RORA: variants seen among roughly 807,000 people sequenced by gnomAD.
RORA encodes nuclear receptor ROR-alpha.
In RORA, 7 loss-of-function variants were observed where a neutral mutation model predicts 69.5. That is an observed-to-expected ratio of 0.10 (90% CI 0.06 to 0.19). The LOEUF is 0.19. Among genes scored for constraint, RORA ranks in the 10% least tolerant of loss-of-function variants. RORA has a pLI of 1.00. For synonymous variants in RORA, 261 were observed against 240.8 expected, an observed-to-expected ratio of 1.08 and a Z score of -0.78; for missense variants, 457 against 663.0, an observed-to-expected ratio of 0.69 and a Z score of 3.41.
chr15:61,192,053 T>C (rs1458738631), intron 1 of RORA, among the ~76,000 whole-genome samples: 1 of 152,184 alleles, frequency 6.6e-6, no homozygotes, highest in African/African-American at 2.4e-5. Context: ...TAGCTCTCCA[T>C]AGAGCATGTT....
At chr15:60,758,468 T>C (rs915453501) in intron 1 of RORA, among the ~76,000 whole-genome samples, 1 of 152,152 alleles carries the variant, frequency 6.6e-6, no homozygotes, top group Non-Finnish European at 1.5e-5. Flanking sequence ...CGGTGATTTA[T>C]TTACACCTAG....
intron 1 of RORA, among the ~76,000 whole-genome samples, chr15:60,822,604 A>C (rs2072907047): frequency 6.6e-6 from 1 of 152,240 alleles, no homozygotes; most frequent in South Asian, 2.1e-4. Context: ...CCCCACAACG[A>C]GGCTGACTGT....
intron 1 of RORA, among the ~76,000 whole-genome samples, chr15:60,721,409 T>C (rs1306827630): frequency 5.9e-5 from 9 of 152,210 alleles, no homozygotes; most frequent in Non-Finnish European, 1.2e-4. Context: ...GCCAAGCACC[T>C]CCCTGAGGAG....
At chr15:60,911,467 T>C (rs946218317) in intron 1 of RORA, among the ~76,000 whole-genome samples, 1 of 152,168 alleles carries the variant, frequency 6.6e-6, no homozygotes, top group African/African-American at 2.4e-5. Flanking sequence ...CCTGTTGTGA[T>C]TTCTAGGATC....
chr15:61,185,856 C>T (rs1461317263), intron 1 of RORA, among the ~76,000 whole-genome samples: 1 of 152,184 alleles, frequency 6.6e-6, no homozygotes, highest in East Asian at 1.9e-4. Context: ...TCTTATCACA[C>T]AGGCACCATG....
chr15:60,923,554 C>T (rs781417063), intron 1 of RORA, among the ~76,000 whole-genome samples: 57 of 152,254 alleles, frequency 3.7e-4, no homozygotes, highest in Non-Finnish European at 6.8e-4. Context: ...CGTGGGCTTC[C>T]GATGATTTCT....
intron 3 of RORA, chr15:60,520,236 A>C (rs2066118494): frequency 6.6e-6 from 1 of 152,214 alleles, no homozygotes; most frequent in Non-Finnish European, 1.5e-5. Flanking sequence ...GAACTATCAA[A>C]TATCAGATGC....
chr15:60,509,127 C>T (rs1032452158), intron 5 of RORA, among the ~76,000 whole-genome samples: 2 of 152,048 alleles, frequency 1.3e-5, no homozygotes, highest in Non-Finnish European at 2.9e-5. Flanking sequence ...GCTTTAAGCC[C>T]CAAAAGAAAT....
chr15:61,040,768 C>T (rs1218139182), intron 1 of RORA, among the ~76,000 whole-genome samples: 1 of 152,084 alleles, frequency 6.6e-6, no homozygotes, highest in Non-Finnish European at 1.5e-5. Context: ...AAAACTCATC[C>T]ATCTGGAGGC....
chr15:61,067,702 C>T (rs1017184551), intron 1 of RORA, among the ~76,000 whole-genome samples: 1 of 152,204 alleles, frequency 6.6e-6, no homozygotes. Flanking sequence ...TCATCCGGTA[C>T]AACATGCTGT....
At chr15:60,707,334 TTTTATTTA>T (rs35301219) in intron 1 of RORA, among the ~76,000 whole-genome samples, 2,348 of 136,100 alleles carry the variant, frequency 0.017, 59 homozygotes, top group African/African-American at 0.054. Context: ...TATTTCTTTA[TTTTATTTA>T]TTTATTTATT....
intron 1 of RORA, among the ~76,000 whole-genome samples, chr15:60,795,279 G>A (rs1169922423): frequency 6.6e-6 from 1 of 152,202 alleles, no homozygotes; most frequent in Non-Finnish European, 1.5e-5. Flanking sequence ...ACCTTCTGTA[G>A]GCTGGCAGGA....
At chr15:61,088,349 T>C (rs1158976110) in intron 1 of RORA, among the ~76,000 whole-genome samples, 1 of 152,142 alleles carries the variant, frequency 6.6e-6, no homozygotes, top group Non-Finnish European at 1.5e-5. Context: ...TGTGTTTGCC[T>C]CTAAGTGTGT....
At chr15:60,639,411 G>C (rs1430861165) in intron 2 of RORA, among the ~76,000 whole-genome samples, 1 of 152,048 alleles carries the variant, frequency 6.6e-6, no homozygotes, top group Non-Finnish European at 1.5e-5. Context: ...TCCCCGTTTC[G>C]TGGGGTGTAG....
At chr15:60,578,012 T>A (rs2068077729) in intron 2 of RORA, among the ~76,000 whole-genome samples, 1 of 152,212 alleles carries the variant, frequency 6.6e-6, no homozygotes, top group Admixed American at 6.5e-5. Context: ...AGGAGAGGTA[T>A]TATAATAGCC....
chr15:61,070,315 A>G (rs76435117), intron 1 of RORA, among the ~76,000 whole-genome samples: 8,065 of 152,300 alleles, frequency 0.053, 257 homozygotes, highest in Middle Eastern at 0.085. Flanking sequence ...CCTTCTAGCA[A>G]AGCCACTCAT....
At chr15:60,754,276 T>C (rs1399753937) in intron 1 of RORA, among the ~76,000 whole-genome samples, 1 of 152,220 alleles carries the variant, frequency 6.6e-6, no homozygotes, top group Non-Finnish European at 1.5e-5. Flanking sequence ...ACATCATTGT[T>C]TCACTACCAT....
chr15:60,761,731 T>C (rs1280895927), intron 1 of RORA, among the ~76,000 whole-genome samples: 1 of 152,178 alleles, frequency 6.6e-6, no homozygotes, highest in Non-Finnish European at 1.5e-5. Context: ...TAGGTATGCC[T>C]CTAATTAAAT....
chr15:61,017,305 G>T (rs1042309560), intron 1 of RORA, among the ~76,000 whole-genome samples: 1 of 152,180 alleles, frequency 6.6e-6, no homozygotes, highest in Non-Finnish European at 1.5e-5. Flanking sequence ...AACGGTACTT[G>T]GTGAAAGTGA....
Sources: allele counts gnomAD v4.1 joint callset (sites outside exome capture counted in the v4.1 genomes callset), GRCh38; gene constraint gnomAD v4.1.1; transcripts MANE v1.5; gene names NCBI Gene and HGNC (gene_info 2026-07-23, HGNC 2026-07-21).